Variants in DGKB observed in about 807,000 individuals in gnomAD.
DGKB encodes the protein diacylglycerol kinase beta, also known as 90 kDa diacylglycerol kinase.
DGKB carries 67 observed loss-of-function variants against 114.3 expected under a neutral mutation model. The ratio of observed to expected loss-of-function variants is 0.59; its 90% CI spans 0.48 to 0.72. DGKB has a LOEUF of 0.72. Among genes scored for constraint, DGKB ranks in the 30% least tolerant of loss-of-function variants. The pLI, the probability that DGKB is intolerant of heterozygous loss-of-function variation, is 0.00. For synonymous variants in DGKB, 398 were observed against 323.1 expected (o/e 1.23, Z -2.49); for missense variants, 907 against 975.2 (o/e 0.93, Z 0.93).
intron 21 of DGKB, among the ~76,000 whole-genome samples, chr7:14,449,512 C>T (rs1411862094): frequency 6.6e-6 from 1 of 152,038 alleles, no homozygotes; most frequent in Non-Finnish European, 1.5e-5. Flanking sequence ...TTAATATACG[C>T]CATGCAGGCC....
chr7:14,289,966 T>A (rs1490854653), intron 23 of DGKB, among the ~76,000 whole-genome samples: 2 of 152,172 alleles, frequency 1.3e-5, no homozygotes, highest in Non-Finnish European at 2.9e-5. Context: ...TACAAACTCA[T>A]TACTTGACAC....
At chr7:14,229,753 C>G (rs1791419311) in intron 23 of DGKB, among the ~76,000 whole-genome samples, 1 of 151,848 alleles carries the variant, frequency 6.6e-6, no homozygotes, top group Admixed American at 6.6e-5. Context: ...AGAAATCTGT[C>G]TCTAAGCATA....
chr7:14,576,686 G>T (rs1269878765), intron 19 of DGKB, among the ~76,000 whole-genome samples: 2 of 152,076 alleles, frequency 1.3e-5, no homozygotes, highest in Non-Finnish European at 2.9e-5. Flanking sequence ...ACATAACACT[G>T]GAACAATGTA....
intron 20 of DGKB, among the ~76,000 whole-genome samples, chr7:14,554,834 A>G (rs886625753): frequency 6.6e-6 from 1 of 152,068 alleles, no homozygotes; most frequent in South Asian, 2.1e-4. Context: ...GTATTTTTCT[A>G]TTACATGCTT....
At chr7:14,709,845 T>C (rs938500212) in intron 6 of DGKB, among the ~76,000 whole-genome samples, 15 of 145,448 alleles carry the variant, frequency 1.0e-4, no homozygotes, top group East Asian at 2.2e-4. Context: ...AGGGATAGCA[T>C]TGGGAGATAT....
rs369277954 is a variant in DGKB, at chr7:14,318,970, C to T, written c.2122+19545G>A. On this transcript the variant is annotated intron_variant, in intron 23 of 25. Coordinates refer to ENST00000402815, the MANE Select transcript of DGKB (RefSeq NM_001350709.2). ...TACTATGCAGCCATAAAAAATGATG[C>T]GTTCATGTCCTTTGTAGGGACTTGG... Among the ~76,000 whole-genome samples, 14 of 152,014 alleles carry T rather than the reference C, an allele frequency of 9.2e-5. No homozygotes were observed. The East Asian group carries it at 1.2e-3, about 13-fold the overall frequency.
Position 14,827,025 on chromosome 7 carries a change from T to A in DGKB, c.70+14169A>T, listed in dbSNP as rs1295610339. On this transcript the variant is annotated intron_variant, in intron 2 of 25. Coordinates refer to ENST00000402815, the MANE Select transcript of DGKB (RefSeq NM_001350709.2). ...GTACGTGATGCTAAAACAATGGCATTGCCAGTTTTAACATTGTGGGACTCA... is the reference window on the plus strand; with the variant it reads ...GTACGTGATGCTAAAACAATGGCATAGCCAGTTTTAACATTGTGGGACTCA... 3.9e-5 allele frequency among the ~76,000 whole-genome samples: 6 copies of A among 152,102 alleles called. No individual in the cohort carries two copies. The East Asian group carries it at 1.2e-3, about 29-fold the overall frequency.
rs1354168956 is a variant in DGKB at position 14,160,407 on chromosome 7, G to A, written c.2305-11169C>T. On this transcript the variant is annotated intron_variant, in intron 25 of 25. Transcript: ENST00000402815. ...TCTCAGCCCCAAAACTCCTTAAGCT[G>A]ATAAACAACTTCAGCAAAGTCTCAG... is the stretch of plus-strand genomic sequence containing the variant. 5.9e-5 allele frequency among the ~76,000 whole-genome samples: 9 copies of A among 152,140 alleles called. No homozygotes were observed. The East Asian group carries it at 1.7e-3, about 29-fold the overall frequency.
intron 20 of DGKB, among the ~76,000 whole-genome samples, chr7:14,552,359 C>T (rs965981902): frequency 2.0e-5 from 3 of 152,120 alleles, no homozygotes; most frequent in Non-Finnish European, 2.9e-5. Flanking sequence ...CCCATGATAA[C>T]TCAATATTTT....
chr7:14,262,601 C>T (rs576901778), intron 23 of DGKB, among the ~76,000 whole-genome samples: 179 of 152,230 alleles, frequency 1.2e-3, no homozygotes, highest in Non-Finnish European at 2.1e-3. Flanking sequence ...AACAAACTGA[C>T]ACAGATGGGA....
chr7:14,768,478 A>G (rs149999544), intron 2 of DGKB, among the ~76,000 whole-genome samples: 1 of 152,080 alleles, frequency 6.6e-6, no homozygotes, highest in Non-Finnish European at 1.5e-5. Context: ...ACTTACTAGA[A>G]CTTGCAGCCC....
intron 12 of DGKB, among the ~76,000 whole-genome samples, chr7:14,681,380 AAAGT>A (rs1466084736): frequency 1.3e-5 from 2 of 151,944 alleles, no homozygotes; most frequent in Non-Finnish European, 2.9e-5. Flanking sequence ...GTATTTTTGA[AAAGT>A]AAGTCAGTTG....
intron 1 of DGKB, among the ~76,000 whole-genome samples, chr7:14,862,705 T>A (rs1017395699): frequency 3.3e-5 from 5 of 152,066 alleles, no homozygotes; most frequent in Non-Finnish European, 7.4e-5. Context: ...TACTTAAAAG[T>A]ACAGAATTCA....
chr7:14,900,391 G>C (rs1345351022), intron 1 of DGKB, among the ~76,000 whole-genome samples: 1 of 152,150 alleles, frequency 6.6e-6, no homozygotes, highest in African/African-American at 2.4e-5. Flanking sequence ...TACTGCAACA[G>C]TATTGTGCAT....
At chr7:14,613,218 C>A in intron 16 of DGKB, 122 bp downstream of exon 16, 1 of 611,240 alleles carries the variant, frequency 1.6e-6, no homozygotes, top group East Asian at 2.8e-5. Context: ...ATGCTAGCAT[C>A]ATTTATTTTG....
chr7:14,630,828 C>A (rs1377115838), intron 13 of DGKB, among the ~76,000 whole-genome samples: 2 of 151,466 alleles, frequency 1.3e-5, no homozygotes, highest in Non-Finnish European at 2.9e-5. Flanking sequence ...GGGTTAAATA[C>A]ATTGACATTA....
chr7:14,468,495 T>A (rs1488450216), intron 21 of DGKB, among the ~76,000 whole-genome samples: 1 of 149,504 alleles, frequency 6.7e-6, no homozygotes, highest in East Asian at 2.0e-4. Context: ...CTGCAGTTTC[T>A]TCCCTTTAAA....
chr7:14,367,743 C>T (rs1816918986), intron 21 of DGKB, among the ~76,000 whole-genome samples: 1 of 151,986 alleles, frequency 6.6e-6, no homozygotes, highest in African/African-American at 2.4e-5. Context: ...TTGGAAGAAA[C>T]TTATAATCAT....
chr7:14,151,407 T>A lies in DGKB; in HGVS notation c.2305-2169A>T, dbSNP rs140042460. On this transcript the variant is annotated intron_variant, in intron 25 of 25. Transcript: ENST00000402815. ...TATAAGACTTAGCTTCTTCTCTGTG[T>A]TTTTTTTTGGCGGGGGCATATAAAT... Among the ~76,000 whole-genome samples the A allele has an allele frequency of 2.9e-3, 434 of 149,698 alleles. 3 individuals carry two copies. The highest frequency in any genetic ancestry group is 0.014 in the Middle Eastern group (4 of 290).
Sources: allele counts gnomAD v4.1 joint callset (sites outside exome capture counted in the v4.1 genomes callset), GRCh38; gene constraint gnomAD v4.1.1; transcripts MANE v1.5; gene names NCBI Gene and HGNC (gene_info 2026-07-23, HGNC 2026-07-21).